The following CIDEA variants were observed in gnomAD, a reference collection of about 807,000 sequenced individuals.
CIDEA encodes the protein lipid transferase CIDEA.
A neutral mutation model predicts 18.2 loss-of-function variants in CIDEA; 10 were observed. The observed-to-expected ratio is 0.55, with a 90% CI of 0.34 to 0.93. CIDEA has a LOEUF of 0.93. Among genes scored for constraint, CIDEA ranks in the 40% least tolerant of loss-of-function variants. The pLI is 0.02. For missense variants in CIDEA, 309 were observed against 293.1 expected, an observed-to-expected ratio of 1.05 and a Z score of -0.40; for synonymous variants, 128 against 124.8, an observed-to-expected ratio of 1.03 and a Z score of -0.17.
At chr18:12,276,258 T>C (rs918457521) in intron 4 of CIDEA, among the ~76,000 whole-genome samples, 2 of 147,082 alleles carry the variant, frequency 1.4e-5, no homozygotes, top group Non-Finnish European at 3.1e-5. Context: ...TCTCCAAAAG[T>C]GCTGGGATTA....
chr18:12,268,446 G>T (rs1413493443), intron 3 of CIDEA, among the ~76,000 whole-genome samples: 2 of 150,234 alleles, frequency 1.3e-5, no homozygotes, highest in African/African-American at 4.9e-5. Context: ...GCCCACTCTG[G>T]AGTGCAGTGG....
At chr18:12,260,397 A>T (rs1239338308) in intron 1 of CIDEA, among the ~76,000 whole-genome samples, 2 of 151,780 alleles carry the variant, frequency 1.3e-5, no homozygotes, top group Admixed American at 6.6e-5. Context: ...TGTTGCCCAG[A>T]TTGGTCTCTA....
Position 12,254,829 on chromosome 18 carries a change from C to G in CIDEA, c.38+408C>G, listed in dbSNP as rs45593632. On this transcript the variant is annotated intron_variant, in intron 1 of 4. Transcript: ENST00000320477. ...CAAAGCTTCCGCGATGCGAGGGGACCGGGCTTCTGGGGGTCCTGGAAATCA... is the reference window on the plus strand; with the variant it reads ...CAAAGCTTCCGCGATGCGAGGGGACGGGGCTTCTGGGGGTCCTGGAAATCA... 9.0e-6 allele frequency: 12 copies of G among 1,338,142 alleles called. No homozygotes were observed. In the Admixed American group the frequency reaches 1.7e-4, roughly 19 times the overall value. 82.9% of individuals were successfully genotyped at this position (1,338,142 alleles called of 1,614,324 possible).
chr18:12,273,456 T>C (rs1206700137), intron 3 of CIDEA, among the ~76,000 whole-genome samples: 2 of 152,196 alleles, frequency 1.3e-5, no homozygotes, highest in Non-Finnish European at 2.9e-5. Context: ...GTGCTGTTTA[T>C]AAACCTGGGA....
chr18:12,255,686 C>T (rs1912012597), intron 1 of CIDEA, among the ~76,000 whole-genome samples: 1 of 152,166 alleles, frequency 6.6e-6, no homozygotes, highest in African/African-American at 2.4e-5. Flanking sequence ...ACTGTTCCTC[C>T]GGAGCATGGG....
At chr18:12,264,563 T>A in intron 3 of CIDEA, 110 bp downstream of exon 3, 1 of 704,838 alleles carries the variant, frequency 1.4e-6, no homozygotes. Context: ...TTTTTTTTTT[T>A]CTTTTTTTGA....
At chr18:12,255,021 G>A (rs367904669) in intron 1 of CIDEA, 1 of 1,032,812 alleles carries the variant, frequency 9.7e-7, no homozygotes, top group South Asian at 1.7e-5. Context: ...CGCTGCCTGG[G>A]GAGCAGGGGG....
intron 1 of CIDEA, among the ~76,000 whole-genome samples, chr18:12,255,687 G>A (rs553390176): frequency 3.3e-5 from 5 of 152,244 alleles, no homozygotes; most frequent in Non-Finnish European, 7.4e-5. Flanking sequence ...CTGTTCCTCC[G>A]GAGCATGGGG....
At chr18:12,264,206 C>A in intron 2 of CIDEA, 101 bp from the exon 3 acceptor site, 2 of 1,130,780 alleles carry the variant, frequency 1.8e-6, no homozygotes, top group Non-Finnish European at 2.4e-6. Context: ...TTATCAGAAT[C>A]AGCCCAACAC....
intron 2 of CIDEA, 47 bp from the exon 3 acceptor site, chr18:12,264,260 G>A: frequency 6.7e-7 from 1 of 1,494,616 alleles, no homozygotes; most frequent in Non-Finnish European, 8.9e-7. Context: ...CTGGTCACAT[G>A]GAAATACCTG....
At chr18:12,259,214 G>C (rs4797655) in intron 1 of CIDEA, among the ~76,000 whole-genome samples, 74,561 of 152,084 alleles carry the variant, frequency 0.49, 18,416 homozygotes, top group East Asian at 0.63. Flanking sequence ...TTTCCCTCGG[G>C]CTTGCCTCAT....
intron 4 of CIDEA, among the ~76,000 whole-genome samples, chr18:12,276,449 C>T (rs1905336059): frequency 6.6e-6 from 1 of 152,212 alleles, no homozygotes; most frequent in Admixed American, 6.5e-5. Flanking sequence ...TGAGCCACCA[C>T]ACCTGGCCAC....
At chr18:12,261,152 G>A (rs1039568970) in intron 1 of CIDEA, among the ~76,000 whole-genome samples, 6 of 152,208 alleles carry the variant, frequency 3.9e-5, no homozygotes, top group East Asian at 1.9e-4. Context: ...GGATGCTGAG[G>A]TGGGTGGATC....
chr18:12,257,535 C>G (rs1011403053), intron 1 of CIDEA, among the ~76,000 whole-genome samples: 2 of 152,194 alleles, frequency 1.3e-5, no homozygotes, highest in Non-Finnish European at 2.9e-5. Context: ...ATTTCACACA[C>G]TTTTGGAAGT....
At chr18:12,262,471 C>T (rs1427254529) in intron 1 of CIDEA, among the ~76,000 whole-genome samples, 1 of 152,196 alleles carries the variant, frequency 6.6e-6, no homozygotes. Context: ...ACTTCATGGC[C>T]ACTAGAAATC....
chr18:12,273,445 G>A (rs1341644150), intron 3 of CIDEA, among the ~76,000 whole-genome samples: 4 of 152,096 alleles, frequency 2.6e-5, no homozygotes, highest in South Asian at 2.1e-4. Flanking sequence ...ATTCTGTTCC[G>A]GTGCTGTTTA....
At chr18:12,262,708 A>G (rs1912225939) in intron 1 of CIDEA, 117 bp from the exon 2 acceptor site, 1 of 1,000,522 alleles carries the variant, frequency 1.0e-6, no homozygotes, top group African/African-American at 1.6e-5. Flanking sequence ...AGTAATCCCA[A>G]CAACTGAATT....
At chr18:12,263,297 C>T (rs1172711653) in intron 2 of CIDEA, among the ~76,000 whole-genome samples, 7 of 152,080 alleles carry the variant, frequency 4.6e-5, no homozygotes, top group Admixed American at 3.3e-4. Context: ...ATTGTGGTGA[C>T]GGTGGGCCAA....
chr18:12,265,793 A>G (rs1255249388), intron 3 of CIDEA, among the ~76,000 whole-genome samples: 1 of 152,160 alleles, frequency 6.6e-6, no homozygotes, highest in Non-Finnish European at 1.5e-5. Context: ...GCAAGTTCAC[A>G]ATCAAAACAC....
Sources: gnomAD v4.1 joint callset for allele counts (sites outside exome capture counted in the v4.1 genomes callset) on GRCh38, gnomAD v4.1.1 for gene constraint, MANE v1.5 for transcripts, NCBI Gene and HGNC (gene_info 2026-07-23, HGNC 2026-07-21) for gene names.